NDC1: variants seen among roughly 807,000 people sequenced by gnomAD.
NDC1 encodes NDC1 transmembrane nucleoporin, also known as nucleoporin NDC1.
A neutral mutation model predicts 89.8 loss-of-function variants in NDC1; 24 were observed. The ratio of observed to expected loss-of-function variants is 0.27; its 90% CI spans 0.19 to 0.38. The LOEUF is 0.38. NDC1 is among the 10% of genes least tolerant of loss of function. The pLI is 1.00. For missense variants in NDC1, 728 were observed against 797.6 expected (o/e 0.91, Z 1.05); for synonymous variants, 296 against 284.8 (o/e 1.04, Z -0.39).
intron 2 of NDC1, among the ~76,000 whole-genome samples, chr1:53,834,297 G>C (rs1029349308): frequency 3.3e-5 from 5 of 152,202 alleles, no homozygotes; most frequent in African/African-American, 1.2e-4. Flanking sequence ...GTACTCTAAG[G>C]TTGCCACCAG....
At chr1:53,776,276 A>C (rs1276540721) in intron 16 of NDC1, among the ~76,000 whole-genome samples, 1 of 151,978 alleles carries the variant, frequency 6.6e-6, no homozygotes, top group Admixed American at 6.6e-5. Context: ...CTCTTATATG[A>C]TCAATTTCAC....
At chr1:53,789,799 CAA>C (rs35994081) in intron 14 of NDC1, among the ~76,000 whole-genome samples, 27 of 108,890 alleles carry the variant, frequency 2.5e-4, no homozygotes, top group East Asian at 2.6e-4. Context: ...AACTCCATCT[CAA>C]AAAAAAAAAA....
chr1:53,824,503 G>A (rs765089618), intron 5 of NDC1, among the ~76,000 whole-genome samples: 44 of 152,148 alleles, frequency 2.9e-4, no homozygotes, highest in Admixed American at 2.0e-3. Context: ...GAGTCCTAGT[G>A]GGAGGGAGGC....
intron 5 of NDC1, among the ~76,000 whole-genome samples, chr1:53,825,453 C>CAAA (rs369960654): frequency 4.0e-5 from 5 of 125,936 alleles, no homozygotes; most frequent in Non-Finnish European, 8.3e-5. Context: ...AGACTGTCTC[C>CAAA]AAAAAAAAAG....
At chr1:53,837,571 CAA>C (rs199801630) in intron 1 of NDC1, among the ~76,000 whole-genome samples, 2 of 124,004 alleles carry the variant, frequency 1.6e-5, no homozygotes, top group African/African-American at 3.0e-5. Context: ...GCCTCCGGCT[CAA>C]AAAAAAAAAA....
intron 16 of NDC1, among the ~76,000 whole-genome samples, chr1:53,785,993 C>T (rs2100636461): frequency 6.6e-6 from 1 of 152,160 alleles, no homozygotes; most frequent in East Asian, 1.9e-4. Flanking sequence ...GGCACGATCT[C>T]CACTCACCAT....
rs762072239 is a variant in NDC1, at chr1:53,803,989, C to T, written c.1005G>A (p.Leu335=). The T allele has an allele frequency of 5.0e-6, 8 of 1,613,854 alleles. No homozygotes were observed. In the Admixed American group the frequency reaches 1.0e-4, roughly 20 times the overall value. The part of the protein sequence containing the change: ...PIIKYLALQD[L]MLLSQYSPSR... ...AAGGAGAATATTGAGAAAGCAACAT[C>T]AGGTCCTGCAAGGCTAAATACTAAC... The change falls in exon 10 of 18, where the codon CTG becomes CTA. Residue 335 remains leucine, a synonymous_variant. Transcript: ENST00000371429.
At chr1:53,820,196 A>C (rs1648617778) in intron 5 of NDC1, among the ~76,000 whole-genome samples, 1 of 152,068 alleles carries the variant, frequency 6.6e-6, no homozygotes, top group Non-Finnish European at 1.5e-5. Context: ...CAGAGGTTGC[A>C]GTAAGCCAAG....
intron 6 of NDC1, among the ~76,000 whole-genome samples, chr1:53,818,158 C>T (rs908549197): frequency 1.3e-5 from 2 of 152,010 alleles, no homozygotes; most frequent in African/African-American, 4.8e-5. Context: ...CATCTTAGGC[C>T]GGGCGTGGTG....
At chr1:53,837,464 T>C (rs768836385) in intron 1 of NDC1, among the ~76,000 whole-genome samples, 13 of 151,942 alleles carry the variant, frequency 8.6e-5, no homozygotes, top group Non-Finnish European at 1.8e-4. Context: ...TCCCCGCTCC[T>C]CGGGAAGCTG....
Position 53,789,204 on chromosome 1 carries a change from TAAAAAC to T in NDC1, c.1636-14_1636-9del. The stretch of plus-strand genomic sequence containing the variant: ...AATGGAGGCCTCTGGGTGCTACAAA[TAAAAAC>T]AAAAACATTCAAGTGAATTCCCCTG... On this transcript the variant is annotated splice_polypyrimidine_tract_variant and intron_variant, in intron 14 of 17. Transcript: ENST00000371429. 6.3e-7 allele frequency: 1 copy of T among 1,594,562 alleles called. No homozygotes were observed. Among genetic ancestry groups the T allele is most frequent in the Middle Eastern group, 1.7e-4 (1 of 5,792 alleles).
rs1286082123 is a variant in NDC1 at position 53,765,489 on chromosome 1, T to C, written c.*2481A>G. The C allele has an allele frequency of 1.3e-5, 2 of 152,066 alleles. No homozygotes were observed. The highest frequency in any genetic ancestry group is 4.8e-5 in the African/African-American group (2 of 41,398). The allele number at this position is 152,066 out of a possible 1,614,324, so 9.4% of individuals were successfully genotyped here. A position where few individuals can be genotyped will look rare whatever the true frequency, so the allele number is the denominator to read the frequency against. On this transcript the variant is annotated 3_prime_UTR_variant, in exon 18 of 18. Transcript: ENST00000371429. ...AATTAACTGTTCCATTTTTTTAAAT[T>C]GCCAATTTATTTTTCTACCCAATCC...
chr1:53,796,600 C>T (rs1429444517), intron 13 of NDC1, 89 bp downstream of exon 13: 2 of 527,266 alleles, frequency 3.8e-6, no homozygotes, highest in Non-Finnish European at 3.0e-6. Flanking sequence ...AAAAAAAAAG[C>T]TTCTTATTCC....
intron 5 of NDC1, 25 bp from the exon 6 acceptor site, chr1:53,819,104 A>T (rs1393964958): frequency 1.8e-6 from 2 of 1,129,452 alleles, no homozygotes; most frequent in Non-Finnish European, 2.6e-6. Context: ...AAAAGAATCA[A>T]ATGACACATT....
At chr1:53,804,086 T>G (rs1003395809) in intron 9 of NDC1, 77 bp from the exon 10 acceptor site, 2 of 997,170 alleles carry the variant, frequency 2.0e-6, no homozygotes, top group African/African-American at 3.3e-5. Context: ...GGTTCATCAT[T>G]ATATATCCAA....
At chr1:53,802,549 T>A (rs1647956914) in intron 10 of NDC1, among the ~76,000 whole-genome samples, 1 of 152,114 alleles carries the variant, frequency 6.6e-6, no homozygotes, top group African/African-American at 2.4e-5. Context: ...ACACCTGGTA[T>A]GCCCCTATAA....
chr1:53,801,019 T>C (rs1249065058), intron 10 of NDC1, among the ~76,000 whole-genome samples, 171 bp from the exon 11 acceptor site: 2 of 150,808 alleles, frequency 1.3e-5, no homozygotes, highest in South Asian at 2.1e-4. Flanking sequence ...AGGAGTTCAA[T>C]GAATACTTGG....
intron 16 of NDC1, among the ~76,000 whole-genome samples, chr1:53,776,882 T>G (rs764697132): frequency 9.2e-5 from 14 of 152,170 alleles, no homozygotes; most frequent in Non-Finnish European, 1.6e-4. Context: ...CAAGAATAAC[T>G]AATGAGTAAT....
intron 16 of NDC1, among the ~76,000 whole-genome samples, chr1:53,779,739 A>G (rs1452024499): frequency 2.0e-5 from 3 of 152,224 alleles, no homozygotes; most frequent in Non-Finnish European, 4.4e-5. Flanking sequence ...AACATGCAAA[A>G]TAAGCCTTCT....
Sources: allele counts gnomAD v4.1 joint callset (sites outside exome capture counted in the v4.1 genomes callset), GRCh38; gene constraint gnomAD v4.1.1; transcripts MANE v1.5; gene names NCBI Gene and HGNC (gene_info 2026-07-23, HGNC 2026-07-21).